The following DNAH12 variants were observed in gnomAD, a reference collection of about 807,000 sequenced individuals.
The protein encoded by DNAH12 is axonemal beta dynein heavy chain 12.
In DNAH12, 285 loss-of-function variants were observed where a neutral mutation model predicts 371.5. The observed-to-expected ratio is 0.77, with a 90% CI of 0.70 to 0.85. The LOEUF (loss-of-function observed/expected upper bound fraction) is 0.85. DNAH12 is among the 40% of genes least tolerant of loss of function. The probability of loss-of-function intolerance (pLI) is 0.00; values close to 1 mark genes in which losing one functional copy is unlikely to be tolerated. For missense variants in DNAH12, 3,611 were observed against 3,689.4 expected (o/e 0.98, Z 0.55); for synonymous variants, 1,200 against 1,213.0 (o/e 0.99, Z 0.22).
rs2153348278 is a variant in DNAH12 at position 57,394,168 on chromosome 3, T to C, written c.7110+3A>G. 1 of 152,330 alleles carries C rather than the reference T, an allele frequency of 6.6e-6. No homozygotes were observed. The highest frequency in any genetic ancestry group is 2.1e-4 in the South Asian group (1 of 4,830). The allele number at this position is 152,330 out of a possible 1,614,324, so 9.4% of individuals were successfully genotyped here. A position where few individuals can be genotyped will look rare whatever the true frequency, so the allele number is the denominator to read the frequency against. On this transcript the variant is annotated splice_donor_region_variant and intron_variant, in intron 44 of 73. Coordinates refer to ENST00000495027, the MANE Select transcript of DNAH12 (RefSeq NM_001366028.2). ...GAAGCAGCACTTCCCCAAAAGCATT[T>C]ACCTCCATCACTTCCTGCTTCTCAT...
In DNAH12 at chr3:57,294,377, A is replaced by G. The variant is rs113946591; in HGVS notation, c.11693-406T>C. 2.6e-3 allele frequency among the ~76,000 whole-genome samples: 403 copies of G among 152,190 alleles called. 1 individual carries two copies. Among genetic ancestry groups the G allele is most frequent in the Non-Finnish European group, 4.6e-3 (310 of 67,988 alleles). On this transcript the variant is annotated intron_variant, in intron 73 of 73. Coordinates refer to ENST00000495027, the MANE Select transcript of DNAH12 (RefSeq NM_001366028.2). The stretch of plus-strand genomic sequence containing the variant: ...TTTTTAGTAGAGACGGGGTTTCACT[A>G]TGTTGGCCAGGCTGGTCTTGAACCC...
intron 43 of DNAH12, chr3:57,402,521 T>C (rs1191149840): frequency 2.9e-6 from 3 of 1,024,570 alleles, no homozygotes; most frequent in African/African-American, 3.4e-5. Flanking sequence ...AAACCATTTA[T>C]TTATCTGAAA....
chr3:57,534,422 C>A (rs976493708), intron 2 of DNAH12, among the ~76,000 whole-genome samples: 4 of 151,208 alleles, frequency 2.6e-5, no homozygotes, highest in Non-Finnish European at 5.9e-5. Flanking sequence ...TTCAGTGGAG[C>A]CTTCTATTAT....
the DNAH12 span, among the ~76,000 whole-genome samples, chr3:57,553,170 T>G: frequency 2.0e-4 from 31 of 152,170 alleles, no homozygotes; most frequent in South Asian, 6.4e-3. Flanking sequence ...GGAGTGAAAC[T>G]CCATCTCAAA....
rs1325514549 is a variant in DNAH12, at chr3:57,377,741, T to C, written c.8224-519A>G. Among the ~76,000 whole-genome samples the C allele has an allele frequency of 1.3e-5, 2 of 152,096 alleles. 1 individual carries two copies. Among genetic ancestry groups the C allele is most frequent in the South Asian group, 4.1e-4 (2 of 4,824 alleles). On this transcript the variant is annotated intron_variant, in intron 52 of 73. Transcript: ENST00000495027. ...GCTCAGTTTCACTACCAAAACTGAA[T>C]TTTCCCCAACAAATACTGAAAAGCC...
In DNAH12 at chr3:57,445,157, G is replaced by A. The variant is rs2065443519; in HGVS notation, c.4425+17C>T. 1 of 1,512,038 alleles carries A rather than the reference G, an allele frequency of 6.6e-7. No individual in the cohort carries two copies. Among genetic ancestry groups the A allele is most frequent in the Admixed American group, 2.2e-5 (1 of 45,018 alleles). The allele number at this position is 1,512,038 out of a possible 1,614,324, so 93.7% of individuals were successfully genotyped here. A position where few individuals can be genotyped will look rare whatever the true frequency, so the allele number is the denominator to read the frequency against. Reference sequence around the variant, plus strand: ...CTTTCTACTGAAACTTTCCCAATGTGTATATTTAATACTTACAAGTATATC... The same window carrying A: ...CTTTCTACTGAAACTTTCCCAATGTATATATTTAATACTTACAAGTATATC... On this transcript the variant is annotated intron_variant, in intron 28 of 73. Coordinates refer to ENST00000495027, the MANE Select transcript of DNAH12 (RefSeq NM_001366028.2).
At chr3:57,408,182 C>T (rs1220868409) in intron 40 of DNAH12, 98 bp downstream of exon 40, 2 of 1,307,774 alleles carry the variant, frequency 1.5e-6, no homozygotes, top group South Asian at 1.8e-5. Context: ...GTTTCTCTGA[C>T]ACCAAAGACC....
At chr3:57,376,731 C>G (rs1490276240) in intron 53 of DNAH12, among the ~76,000 whole-genome samples, 1 of 152,114 alleles carries the variant, frequency 6.6e-6, no homozygotes, top group Non-Finnish European at 1.5e-5. Flanking sequence ...TACATACTTA[C>G]CACTTGGATT....
At chr3:57,376,638 A>T (rs1267824021) in intron 53 of DNAH12, among the ~76,000 whole-genome samples, 1 of 152,200 alleles carries the variant, frequency 6.6e-6, no homozygotes, top group African/African-American at 2.4e-5. Flanking sequence ...TTAACCAATG[A>T]ACCATGCATT....
chr3:57,297,129 C>T, intron 70 of DNAH12, 145 bp from the exon 71 acceptor site: 1 of 820,370 alleles, frequency 1.2e-6, no homozygotes, highest in Non-Finnish European at 1.9e-6. Context: ...AACACACAGC[C>T]TACCTTGGCC....
At chr3:57,483,029 A>G (rs541622985) in intron 13 of DNAH12, among the ~76,000 whole-genome samples, 1 of 152,002 alleles carries the variant, frequency 6.6e-6, no homozygotes, top group African/African-American at 2.4e-5. Context: ...TATGTAACTA[A>G]CTTGCACGTT....
At chr3:57,494,668 G>C (rs145474622) in intron 11 of DNAH12, among the ~76,000 whole-genome samples, 7 of 152,258 alleles carry the variant, frequency 4.6e-5, no homozygotes, top group African/African-American at 1.7e-4. Context: ...ACTCAGATTA[G>C]AAAGGAAGTA....
At position 57,445,378 on chromosome 3, in the gene DNAH12, C is replaced by T. The variant is rs538438572; in HGVS notation, c.4221G>A (p.Ala1407=). 9.0e-6 allele frequency: 14 copies of T among 1,550,088 alleles called. No homozygotes were observed. In the South Asian group the frequency reaches 9.6e-5, roughly 11 times the overall value. ...RTVAMMVPNY[A]LIAEISLYSY... ...AGTAGAGGGAGATTTCTGCTATAAGCGCATAGTTTGGAACCATCATAGCCA... is the reference window on the plus strand; with the variant it reads ...AGTAGAGGGAGATTTCTGCTATAAGTGCATAGTTTGGAACCATCATAGCCA... The change falls in exon 28 of 74, where the codon GCG becomes GCA. Residue 1407 remains alanine (A), a synonymous_variant. Transcript: ENST00000495027.
chr3:57,426,447 C>T (rs1201435174), intron 34 of DNAH12, among the ~76,000 whole-genome samples: 1 of 151,930 alleles, frequency 6.6e-6, no homozygotes, highest in Admixed American at 6.6e-5. Context: ...AATTGAGATA[C>T]TATAACGGGA....
chr3:57,519,741 G>A, intron 4 of DNAH12: 2 of 1,610,816 alleles, frequency 1.2e-6, no homozygotes, highest in East Asian at 2.2e-5. Flanking sequence ...TCACCCACAG[G>A]GACATGCAGC....
At chr3:57,400,062 G>A (rs1413165935) in intron 43 of DNAH12, among the ~76,000 whole-genome samples, 2 of 152,208 alleles carry the variant, frequency 1.3e-5, no homozygotes, top group Non-Finnish European at 2.9e-5. Context: ...GCCAAGGCAG[G>A]AGGATTGCTT....
chr3:57,403,957 CT>C (rs1472091836), intron 42 of DNAH12, among the ~76,000 whole-genome samples: 2 of 152,084 alleles, frequency 1.3e-5, no homozygotes, highest in Admixed American at 6.6e-5. Context: ...ACTAGAAAAA[CT>C]TACAGTATCT....
At chr3:57,411,919 T>C (rs1203783451) in intron 39 of DNAH12, among the ~76,000 whole-genome samples, 2 of 152,182 alleles carry the variant, frequency 1.3e-5, no homozygotes, top group Non-Finnish European at 2.9e-5. Flanking sequence ...CACACCCAAC[T>C]TTAAGGCTTA....
intron 54 of DNAH12, 43 bp downstream of exon 54, chr3:57,375,775 T>C (rs1349835845): frequency 6.6e-6 from 1 of 152,144 alleles, no homozygotes; most frequent in Non-Finnish European, 1.5e-5. Context: ...AAAACATACT[T>C]TGGATGTTCT....
Sources: allele counts gnomAD v4.1 joint callset (sites outside exome capture counted in the v4.1 genomes callset), GRCh38; gene constraint gnomAD v4.1.1; transcripts MANE v1.5; gene names NCBI Gene and HGNC (gene_info 2026-07-23, HGNC 2026-07-21).